Variants in DPP10 observed in about 807,000 individuals in gnomAD.
DPP10 encodes the protein dipeptidyl peptidase like 10.
In DPP10, 33 loss-of-function variants were observed where a neutral mutation model predicts 120.9. The ratio of observed to expected loss-of-function variants is 0.27; its 90% confidence interval spans 0.21 to 0.37. The LOEUF is 0.37. Among genes scored for constraint, DPP10 ranks in the 10% least tolerant of loss-of-function variants. The pLI is 1.00. For missense variants in DPP10, 816 were observed against 942.8 expected (o/e 0.87, Z 1.76); for synonymous variants, 337 against 326.1 (o/e 1.03, Z -0.36).
chr2:115,081,741 G>T (rs1442621053), intron 1 of DPP10, among the ~76,000 whole-genome samples: 1 of 152,068 alleles, frequency 6.6e-6, no homozygotes, highest in East Asian at 1.9e-4. Context: ...TTTTCAAAGA[G>T]AATGTTCATT....
At chr2:115,632,690 G>A (rs1371894071) in intron 5 of DPP10, among the ~76,000 whole-genome samples, 1 of 152,076 alleles carries the variant, frequency 6.6e-6, no homozygotes, top group African/African-American at 2.4e-5. Flanking sequence ...ATCTGACAAA[G>A]GGCTAATGTC....
intron 5 of DPP10, among the ~76,000 whole-genome samples, chr2:115,666,232 T>C (rs1401525683): frequency 2.0e-5 from 3 of 152,146 alleles, no homozygotes; most frequent in Non-Finnish European, 4.4e-5. Flanking sequence ...GGGTAACTTA[T>C]AAAGGAAAGG....
At chr2:115,508,929 G>A (rs2077086844) in intron 4 of DPP10, among the ~76,000 whole-genome samples, 1 of 152,002 alleles carries the variant, frequency 6.6e-6, no homozygotes, top group African/African-American at 2.4e-5. Context: ...AAGAAATGAA[G>A]ATGACTGCAG....
chr2:114,728,634 T>G (rs1249854235), intron 1 of DPP10, among the ~76,000 whole-genome samples: 1 of 151,974 alleles, frequency 6.6e-6, no homozygotes, highest in Non-Finnish European at 1.5e-5. Flanking sequence ...GTTCACTAGA[T>G]AAGTAAGATT....
chr2:115,832,454 A>G lies in DPP10; in HGVS notation c.1951-3703A>G, dbSNP rs577236543. ...GCGATGAGCAGAGATTGTGCCATGT[A>G]CTTCAGCCTGGGTGACAGAGTGAGA... On this transcript the variant is annotated intron_variant, in intron 21 of 25. Coordinates refer to ENST00000410059, the MANE Select transcript of DPP10 (RefSeq NM_020868.6). 1.1e-4 allele frequency among the ~76,000 whole-genome samples: 16 copies of G among 152,342 alleles called. No individual in the cohort carries two copies. In the East Asian group the frequency reaches 3.1e-3, roughly 29 times the overall value.
At chr2:114,898,863 A>G (rs1345001526) in intron 1 of DPP10, among the ~76,000 whole-genome samples, 2 of 152,068 alleles carry the variant, frequency 1.3e-5, no homozygotes, top group African/African-American at 2.4e-5. Context: ...AATTTTCCCA[A>G]TTTCTTTTCT....
At chr2:115,038,326 A>G (rs1309259368) in intron 1 of DPP10, among the ~76,000 whole-genome samples, 4 of 151,880 alleles carry the variant, frequency 2.6e-5, no homozygotes, top group African/African-American at 9.7e-5. Context: ...GCTGGAGTGC[A>G]GTGGCGCCAT....
Position 115,082,085 on chromosome 2 carries a change from A to AT in DPP10, c.61-227149dup, listed in dbSNP as rs1246915975. On this transcript the variant is annotated intron_variant, in intron 1 of 25. Coordinates refer to ENST00000410059, the MANE Select transcript of DPP10 (RefSeq NM_020868.6). ...TGCTTTTAAGAAATTATTTTGTAATATTTTTATCAGCTTTTTTAGTTGTTT... is the reference window on the plus strand; with the variant it reads ...TGCTTTTAAGAAATTATTTTGTAATATTTTTTATCAGCTTTTTTAGTTGTTT... Among the ~76,000 whole-genome samples, 3 of 152,140 alleles carry AT rather than the reference A, an allele frequency of 2.0e-5. No homozygotes were observed. In the East Asian group the frequency reaches 5.8e-4, roughly 29 times the overall value.
At chr2:114,544,160 G>C (rs917242469) in intron 1 of DPP10, among the ~76,000 whole-genome samples, 12 of 152,176 alleles carry the variant, frequency 7.9e-5, no homozygotes, top group African/African-American at 2.9e-4. Context: ...AAGTAGAACA[G>C]GGTAAAGAAG....
chr2:115,544,231 A>G (rs1468562697), intron 5 of DPP10, among the ~76,000 whole-genome samples: 1 of 152,044 alleles, frequency 6.6e-6, no homozygotes, highest in Non-Finnish European at 1.5e-5. Context: ...TCCTTGAGAA[A>G]GTGTCAATAT....
chr2:115,235,780 C>T (rs1033734847), intron 1 of DPP10, among the ~76,000 whole-genome samples: 4 of 152,090 alleles, frequency 2.6e-5, no homozygotes, highest in African/African-American at 7.2e-5. Context: ...AGGCTGATCT[C>T]GAACTCCTGG....
chr2:114,857,864 C>T (rs937263064), intron 1 of DPP10, among the ~76,000 whole-genome samples: 4 of 152,146 alleles, frequency 2.6e-5, no homozygotes, highest in African/African-American at 9.7e-5. Flanking sequence ...TGTTAAAATT[C>T]CACCCTAGGT....
At chr2:114,527,128 A>G (rs1366273689) in intron 1 of DPP10, among the ~76,000 whole-genome samples, 2 of 152,166 alleles carry the variant, frequency 1.3e-5, no homozygotes, top group African/African-American at 2.4e-5. Context: ...CTCTTATCAC[A>G]TAGAATGAGA....
intron 3 of DPP10, among the ~76,000 whole-genome samples, chr2:115,447,513 C>T (rs1488877029): frequency 1.3e-5 from 2 of 152,130 alleles, no homozygotes; most frequent in African/African-American, 4.8e-5. Flanking sequence ...CAAATCTCAT[C>T]TCAAATATAA....
chr2:115,443,418 T>A (rs911357173), intron 3 of DPP10, among the ~76,000 whole-genome samples: 1 of 152,148 alleles, frequency 6.6e-6, no homozygotes, highest in Admixed American at 6.5e-5. Flanking sequence ...ACATTTAGAT[T>A]TGGAAGTTTT....
At chr2:115,300,248 A>G (rs894528341) in intron 1 of DPP10, among the ~76,000 whole-genome samples, 3 of 151,994 alleles carry the variant, frequency 2.0e-5, no homozygotes, top group African/African-American at 7.2e-5. Context: ...TTCAGCCCCT[A>G]ACAACTACCA....
intron 5 of DPP10, among the ~76,000 whole-genome samples, chr2:115,572,182 T>C (rs1444773586): frequency 5.9e-5 from 9 of 151,416 alleles, no homozygotes; most frequent in African/African-American, 1.7e-4. Flanking sequence ...ATAGGTATGC[T>C]AAAGACTTAC....
intron 1 of DPP10, among the ~76,000 whole-genome samples, chr2:114,701,796 T>A (rs2105818094): frequency 6.6e-6 from 1 of 152,238 alleles, no homozygotes; most frequent in African/African-American, 2.4e-5. Context: ...TGGGGACTTA[T>A]AACACTGTCA....
intron 1 of DPP10, among the ~76,000 whole-genome samples, chr2:114,783,988 G>C (rs1408762968): frequency 6.6e-6 from 1 of 151,956 alleles, no homozygotes; most frequent in East Asian, 1.9e-4. Context: ...TTTCTGTAAG[G>C]CTGTGGCAAG....
Sources: gnomAD v4.1 joint callset for allele counts (sites outside exome capture counted in the v4.1 genomes callset) on GRCh38, gnomAD v4.1.1 for gene constraint, MANE v1.5 for transcripts, NCBI Gene and HGNC (gene_info 2026-07-23, HGNC 2026-07-21) for gene names.